MARCHF1: variants seen among roughly 807,000 people sequenced by gnomAD.
MARCHF1 encodes E3 ubiquitin-protein ligase MARCHF1.
MARCHF1 carries 40 observed loss-of-function variants against 54.2 expected under a neutral mutation model. That is an observed-to-expected ratio of 0.74 (90% confidence interval 0.57 to 0.96). The LOEUF (loss-of-function observed/expected upper bound fraction) is 0.96. MARCHF1 is among the 40% of genes least tolerant of loss of function. MARCHF1 has a pLI of 0.00. For synonymous variants in MARCHF1, 236 were observed against 236.3 expected (o/e 1.00, Z 0.01); for missense variants, 586 against 656.5 (o/e 0.89, Z 1.17).
chr4:163,812,512 C>A (rs1406269248), intron 4 of MARCHF1, among the ~76,000 whole-genome samples: 1 of 152,136 alleles, frequency 6.6e-6, no homozygotes, highest in Non-Finnish European at 1.5e-5. Context: ...AATCCCAGCA[C>A]TTTGGGAAGT....
chr4:163,794,530 A>G (rs1747857961), intron 4 of MARCHF1, among the ~76,000 whole-genome samples: 1 of 152,216 alleles, frequency 6.6e-6, no homozygotes, highest in Non-Finnish European at 1.5e-5. Flanking sequence ...CACATACATG[A>G]GCATAGATAA....
At chr4:164,053,518 T>C (rs1255910477) in intron 2 of MARCHF1, among the ~76,000 whole-genome samples, 1 of 152,212 alleles carries the variant, frequency 6.6e-6, no homozygotes, top group African/African-American at 2.4e-5. Flanking sequence ...TCAAGTATAA[T>C]CAATCTTCTG....
chr4:163,949,450 T>G (rs1244256660), intron 3 of MARCHF1, among the ~76,000 whole-genome samples: 1 of 152,194 alleles, frequency 6.6e-6, no homozygotes, highest in Non-Finnish European at 1.5e-5. Flanking sequence ...CTCTCTTCTC[T>G]CCTTCTCGTC....
chr4:163,606,326 A>T (rs1195954464), intron 7 of MARCHF1, among the ~76,000 whole-genome samples: 1 of 152,092 alleles, frequency 6.6e-6, no homozygotes, highest in Admixed American at 6.6e-5. Flanking sequence ...GCTGTCCCAA[A>T]AGGTCTGTTT....
chr4:164,066,254 G>A (rs891574530), intron 2 of MARCHF1, among the ~76,000 whole-genome samples: 1 of 151,870 alleles, frequency 6.6e-6, no homozygotes, highest in African/African-American at 2.4e-5. Flanking sequence ...TGCAGCCAAC[G>A]AGCACACACA....
chr4:163,749,161 C>T (rs1321902332), intron 4 of MARCHF1, among the ~76,000 whole-genome samples: 1 of 151,738 alleles, frequency 6.6e-6, no homozygotes, highest in Non-Finnish European at 1.5e-5. Context: ...TATTTTAATG[C>T]TATTGTAAGT....
chr4:163,576,516 T>C (rs1303172196), intron 8 of MARCHF1, among the ~76,000 whole-genome samples: 1 of 152,126 alleles, frequency 6.6e-6, no homozygotes, highest in Middle Eastern at 3.2e-3. Flanking sequence ...ATGTGTATTC[T>C]GTGGTTGATG....
intron 1 of MARCHF1, among the ~76,000 whole-genome samples, chr4:164,205,299 CTTATT>C (rs1466020932): frequency 2.0e-5 from 3 of 152,170 alleles, no homozygotes; most frequent in African/African-American, 4.8e-5. Context: ...AAGAACTTTA[CTTATT>C]TTATTTGCTG....
intron 1 of MARCHF1, among the ~76,000 whole-genome samples, chr4:164,145,256 G>T (rs1729645740): frequency 6.6e-6 from 1 of 152,138 alleles, no homozygotes; most frequent in Admixed American, 6.6e-5. Flanking sequence ...AGGAAGAACT[G>T]GTACCATTCC....
intron 2 of MARCHF1, among the ~76,000 whole-genome samples, chr4:164,081,638 A>T (rs756773797): frequency 4.6e-5 from 7 of 152,036 alleles, no homozygotes; most frequent in Non-Finnish European, 1.0e-4. Flanking sequence ...GGAAAAAATG[A>T]CTTTCATGTA....
chr4:164,130,138 A>T lies in MARCHF1; in HGVS notation c.-322-18476T>A, dbSNP rs570847184. On this transcript the variant is annotated intron_variant, in intron 1 of 9. Transcript: ENST00000514618. The stretch of plus-strand genomic sequence containing the variant: ...AAAATCACACTACTTTATAAACATT[A>T]TTATTCTAAACTTAAGAAACAATGA... The T allele has an allele frequency of 2.1e-3, 322 of 152,324 alleles. 2 individuals are homozygous for T. Among genetic ancestry groups the T allele is most frequent in the African/African-American group, 7.1e-3 (296 of 41,594 alleles). 9.4% of individuals were successfully genotyped at this position (152,324 alleles called of 1,614,324 possible). A position where few individuals can be genotyped will look rare whatever the true frequency, so the allele number is the denominator to read the frequency against.
rs565911572 is a variant in MARCHF1 at position 164,183,764 on chromosome 4, G to A, written c.-322-72102C>T. Among the ~76,000 whole-genome samples the A allele has an allele frequency of 3.3e-5, 5 of 152,162 alleles. No individual in the cohort carries two copies. In the South Asian group the frequency reaches 8.3e-4, roughly 25 times the overall value. On this transcript the variant is annotated intron_variant, in intron 1 of 9. Transcript: ENST00000514618. ...CAGAGGAAGAAGCCAACCATAACCC[G>A]GATTCAAATAAAGTGCAATGGAATT... is the stretch of plus-strand genomic sequence containing the variant.
At chr4:164,362,217 T>C (rs752272128) in intron 1 of MARCHF1, among the ~76,000 whole-genome samples, 8 of 152,280 alleles carry the variant, frequency 5.3e-5, no homozygotes, top group Non-Finnish European at 8.8e-5. Flanking sequence ...GACATTTGTG[T>C]GTGATTATAT....
At chr4:163,672,449 A>G (rs189804848) in intron 5 of MARCHF1, among the ~76,000 whole-genome samples, 9 of 152,220 alleles carry the variant, frequency 5.9e-5, no homozygotes, top group Admixed American at 2.6e-4. Context: ...TTTGTTATTC[A>G]TAATTTCCTT....
At chr4:164,259,898 T>A (rs1440562220) in intron 1 of MARCHF1, among the ~76,000 whole-genome samples, 1 of 152,196 alleles carries the variant, frequency 6.6e-6, no homozygotes, top group South Asian at 2.1e-4. Flanking sequence ...CATTACTGCA[T>A]GGCACAGAGA....
intron 1 of MARCHF1, among the ~76,000 whole-genome samples, chr4:164,310,061 C>A (rs941083661): frequency 6.6e-6 from 1 of 151,310 alleles, no homozygotes; most frequent in Admixed American, 6.6e-5. Flanking sequence ...TTTTTTAATT[C>A]TTTTTATTTT....
intron 4 of MARCHF1, 121 bp from the exon 5 acceptor site, chr4:163,700,984 C>G: frequency 1.5e-6 from 1 of 647,156 alleles, no homozygotes; most frequent in Non-Finnish European, 2.7e-6. Context: ...ATTGTTTTGA[C>G]TAATACACAT....
chr4:163,863,692 C>T (rs529412896), intron 3 of MARCHF1, among the ~76,000 whole-genome samples: 1 of 152,084 alleles, frequency 6.6e-6, no homozygotes, highest in Non-Finnish European at 1.5e-5. Flanking sequence ...ACAAATATGC[C>T]GAGTGCCCCG....
chr4:163,879,439 A>G (rs1389489815), intron 3 of MARCHF1, among the ~76,000 whole-genome samples: 2 of 152,232 alleles, frequency 1.3e-5, no homozygotes, highest in African/African-American at 4.8e-5. Flanking sequence ...TAAAAAATAA[A>G]TCAATTTTAC....
Sources: allele counts gnomAD v4.1 joint callset (sites outside exome capture counted in the v4.1 genomes callset), GRCh38; gene constraint gnomAD v4.1.1; transcripts MANE v1.5; gene names NCBI Gene and HGNC (gene_info 2026-07-23, HGNC 2026-07-21).